COL4A5: variants seen among roughly 807,000 people sequenced by gnomAD.
The protein encoded by COL4A5 is collagen alpha-5(IV) chain.
A neutral mutation model predicts 130.2 loss-of-function variants in COL4A5; 26 were observed. That is an observed-to-expected ratio of 0.20 (90% CI 0.15 to 0.28). COL4A5 has a LOEUF of 0.28. Among genes scored for constraint, COL4A5 ranks in the 10% least tolerant of loss-of-function variants. The pLI is 1.00. For missense variants in COL4A5, 1,131 were observed against 1,344.3 expected, an observed-to-expected ratio of 0.84 and a Z score of 2.48; for synonymous variants, 496 against 439.6, an observed-to-expected ratio of 1.13 and a Z score of -1.60.
chrX:108,601,429 C>T lies in COL4A5; in HGVS notation c.1985C>T (p.Pro662Leu), dbSNP rs747334587. 5 of 1,205,847 alleles carry T rather than the reference C, an allele frequency of 4.1e-6. No homozygotes were observed. Among genetic ancestry groups the T allele is most frequent in the South Asian group, 1.8e-5 (1 of 56,460 alleles). The stretch of plus-strand genomic sequence containing the variant: ...GATCCAGGTCAGACTATAACCCAGC[C>T]GGGGAAGCCTGGCTTGCCTGGTAAC... ...KGDPGQTITQ[P>L]GKPGLPGNPG... is the part of the protein sequence containing the mutation. The change falls in exon 26 of 53, where the codon CCG becomes CTG. Residue 662 changes from proline (P) to leucine (L), a missense_variant. Transcript: ENST00000328300.
intron 1 of COL4A5, among the ~76,000 whole-genome samples, chrX:108,522,234 T>C (rs774668796): frequency 4.5e-5 from 5 of 110,300 alleles, no homozygotes; most frequent in Non-Finnish European, 7.6e-5. Context: ...GGTTGTTTTA[T>C]ACTTTTTTGA....
intron 1 of COL4A5, among the ~76,000 whole-genome samples, chrX:108,478,418 C>A (rs762201287): frequency 9.0e-6 from 1 of 111,401 alleles, no homozygotes; most frequent in South Asian, 3.8e-4. Flanking sequence ...GTGAGTGCTG[C>A]CACTTCCACT....
intron 3 of COL4A5, among the ~76,000 whole-genome samples, chrX:108,561,391 C>G (rs1427066164): frequency 2.7e-5 from 3 of 111,288 alleles, no homozygotes; most frequent in Non-Finnish European, 5.7e-5. Flanking sequence ...TGTGGGGACT[C>G]TGTCTTTTGA....
In COL4A5 at chrX:108,479,286, A is replaced by AT. The variant is rs763347125; in HGVS notation, c.81+39081dup. Among the ~76,000 whole-genome samples the AT allele has an allele frequency of 2.7e-5, 3 of 112,479 alleles. No homozygotes were observed. The Admixed American group carries it at 2.8e-4, about 11-fold the overall frequency. On this transcript the variant is annotated intron_variant, in intron 1 of 52. Transcript: ENST00000328300. ...TTTCTTTGTCACCAATTTCCCAGTC[A>AT]TGCTTTTTCCAAGTCCCTGACCATC... is the stretch of plus-strand genomic sequence containing the variant.
intron 1 of COL4A5, among the ~76,000 whole-genome samples, chrX:108,505,801 C>A (rs1669830924): frequency 8.9e-6 from 1 of 112,214 alleles, no homozygotes; most frequent in Non-Finnish European, 1.9e-5. Context: ...TTGACTAATA[C>A]AGTTGGAATA....
At chrX:108,475,303 T>G (rs1016267076) in intron 1 of COL4A5, among the ~76,000 whole-genome samples, 7 of 110,881 alleles carry the variant, frequency 6.3e-5, no homozygotes, top group African/African-American at 1.7e-4. Flanking sequence ...AGTAGTAGTA[T>G]TAGTAGTAGT....
At chrX:108,594,590 C>A (rs755343832) in intron 21 of COL4A5, among the ~76,000 whole-genome samples, 1 of 109,010 alleles carries the variant, frequency 9.2e-6, no homozygotes, top group Non-Finnish European at 1.9e-5. Context: ...CCTTGTTCCC[C>A]TCCCTCATTC....
At chrX:108,544,363 T>A (rs966906618) in intron 2 of COL4A5, among the ~76,000 whole-genome samples, 1 of 112,552 alleles carries the variant, frequency 8.9e-6, no homozygotes, top group African/African-American at 3.2e-5. Context: ...TCTATTGAGA[T>A]AATCATGTGG....
At chrX:108,563,799 T>G (rs750707506) in intron 3 of COL4A5, 83 bp from the exon 4 acceptor site, 1 of 821,191 alleles carries the variant, frequency 1.2e-6, no homozygotes. Context: ...TACAGTAGTT[T>G]AAATCTCCTA....
At chrX:108,504,444 GAC>G (rs1213452181) in intron 1 of COL4A5, among the ~76,000 whole-genome samples, 30 of 111,776 alleles carry the variant, frequency 2.7e-4, no homozygotes, top group African/African-American at 7.8e-4. Context: ...AGAGTGAACA[GAC>G]AACCTACAGA....
chrX:108,446,294 A>G (rs1055792843), intron 1 of COL4A5, among the ~76,000 whole-genome samples: 4 of 112,307 alleles, frequency 3.6e-5, no homozygotes, highest in African/African-American at 9.7e-5. Flanking sequence ...ATGATTACAT[A>G]CAACTTGTAT....
intron 49 of COL4A5, among the ~76,000 whole-genome samples, chrX:108,688,581 C>T (rs1447522845): frequency 9.0e-6 from 1 of 110,901 alleles, no homozygotes; most frequent in Non-Finnish European, 1.9e-5. Context: ...GAATTACAGG[C>T]GCCCGCCAGC....
chrX:108,452,016 G>A (rs1451606920), intron 1 of COL4A5, among the ~76,000 whole-genome samples: 3 of 111,887 alleles, frequency 2.7e-5, no homozygotes, highest in East Asian at 5.6e-4. Flanking sequence ...GTGTAAGGAA[G>A]GGATCCAGTT....
intron 1 of COL4A5, among the ~76,000 whole-genome samples, chrX:108,487,417 A>G (rs1383073975): frequency 9.3e-6 from 1 of 108,040 alleles, no homozygotes; most frequent in African/African-American, 3.4e-5. Context: ...AGAAGAAAAG[A>G]AGAAGTGTTC....
chrX:108,447,469 G>A (rs757123450), intron 1 of COL4A5, among the ~76,000 whole-genome samples: 8 of 111,773 alleles, frequency 7.2e-5, no homozygotes, highest in African/African-American at 9.7e-5. Context: ...TATAGCTTGC[G>A]CAATTGAAAT....
chrX:108,482,771 G>A (rs1468088764), intron 1 of COL4A5, among the ~76,000 whole-genome samples: 1 of 111,713 alleles, frequency 9.0e-6, no homozygotes, highest in African/African-American at 3.3e-5. Flanking sequence ...AATCTTAGCA[G>A]ATTTGAGGCT....
At chrX:108,607,529 G>T (rs1485089440) in intron 29 of COL4A5, among the ~76,000 whole-genome samples, 5 of 79,314 alleles carry the variant, frequency 6.3e-5, no homozygotes, top group African/African-American at 2.6e-4. Context: ...TGTCTCCCAG[G>T]CTGGAGTGCA....
intron 1 of COL4A5, among the ~76,000 whole-genome samples, chrX:108,478,492 G>A (rs2147521839): frequency 9.0e-6 from 1 of 111,710 alleles, no homozygotes; most frequent in South Asian, 3.9e-4. Context: ...TATATTGGAT[G>A]CTGATTCAGA....
intron 30 of COL4A5, among the ~76,000 whole-genome samples, chrX:108,617,718 G>A (rs1377473055): frequency 9.0e-6 from 1 of 111,683 alleles, no homozygotes; most frequent in Non-Finnish European, 1.9e-5. Context: ...TTTTTTTAGA[G>A]ATCAGTTAAA....
Sources: gnomAD v4.1 joint callset for allele counts (sites outside exome capture counted in the v4.1 genomes callset) on GRCh38, gnomAD v4.1.1 for gene constraint, MANE v1.5 for transcripts, NCBI Gene and HGNC (gene_info 2026-07-23, HGNC 2026-07-21) for gene names.